Variants in TENT5D observed in about 807,000 individuals in gnomAD.
The protein encoded by TENT5D is terminal nucleotidyltransferase 5D.
For missense variants in TENT5D, 191 were observed against 287.0 expected (o/e 0.67, Z 2.42); for synonymous variants, 103 against 100.6 (o/e 1.02, Z -0.15).
At chrX:80,351,733 G>A (rs1033408353) in intron 3 of TENT5D, among the ~76,000 whole-genome samples, 6 of 110,652 alleles carry the variant, frequency 5.4e-5, no homozygotes, top group Middle Eastern at 4.6e-3. Flanking sequence ...GAGGCGTTCC[G>A]GTTTTTGGAA....
At chrX:80,360,832 C>A (rs769558117) in intron 3 of TENT5D, among the ~76,000 whole-genome samples, 1 of 111,863 alleles carries the variant, frequency 8.9e-6, no homozygotes, top group East Asian at 2.8e-4. Context: ...CCAAGTCAAG[C>A]AAATTAGTTT....
At chrX:80,426,304 TA>T (rs1223442784) in intron 1 of TENT5D, among the ~76,000 whole-genome samples, 1 of 111,658 alleles carries the variant, frequency 9.0e-6, no homozygotes, top group East Asian at 2.8e-4. Context: ...AATGATGACT[TA>T]AAAATTTGAA....
intron 3 of TENT5D, among the ~76,000 whole-genome samples, chrX:80,345,089 G>C (rs1032325624): frequency 8.9e-6 from 1 of 111,886 alleles, no homozygotes; most frequent in Non-Finnish European, 1.9e-5. Context: ...CTCAGAAATA[G>C]TGACAGTTTA....
intron 3 of TENT5D, among the ~76,000 whole-genome samples, chrX:80,352,750 C>G (rs1930210307): frequency 1.9e-5 from 2 of 105,793 alleles, no homozygotes; most frequent in Admixed American, 2.1e-4. Context: ...AAAAAAACTC[C>G]TGCAGCTAGC....
intron 3 of TENT5D, among the ~76,000 whole-genome samples, chrX:80,387,147 A>G (rs1365344763): frequency 8.9e-6 from 1 of 112,357 alleles, no homozygotes; most frequent in Non-Finnish European, 1.9e-5. Context: ...AAGTTCCCAG[A>G]TGAAGAATGC....
chrX:80,389,314 G>C (rs1365819822), intron 3 of TENT5D, among the ~76,000 whole-genome samples: 1 of 111,914 alleles, frequency 8.9e-6, no homozygotes, highest in Non-Finnish European at 1.9e-5. Flanking sequence ...CTGCCACCTT[G>C]TTCTGCCTTG....
Position 80,351,902 on chromosome X carries a change from C to T in TENT5D, c.-142+9338C>T, listed in dbSNP as rs191866129. Among the ~76,000 whole-genome samples, 804 of 112,045 alleles carry T rather than the reference C, an allele frequency of 7.2e-3. 5 individuals carry two copies. The highest frequency in any genetic ancestry group is 0.011 in the Non-Finnish European group (602 of 53,180). On this transcript the variant is annotated intron_variant, in intron 3 of 4. Transcript: ENST00000538312. ...TTGTTAGTTTTTCTTCTGACAGGCC[C>T]CTCTTCTGCAGCTCTGCTGCAGTTT...
At chrX:80,385,685 C>A (rs1271167844) in intron 3 of TENT5D, among the ~76,000 whole-genome samples, 1 of 111,526 alleles carries the variant, frequency 9.0e-6, no homozygotes, top group African/African-American at 3.3e-5. Context: ...TGACAAAGGG[C>A]TAATATCCAG....
intron 3 of TENT5D, among the ~76,000 whole-genome samples, chrX:80,408,974 A>T (rs1360756380): frequency 1.8e-5 from 2 of 111,522 alleles, no homozygotes; most frequent in Non-Finnish European, 3.8e-5. Context: ...AATTCAGCAT[A>T]TAAACAGAGC....
chrX:80,360,621 C>A (rs1247409498), intron 3 of TENT5D, among the ~76,000 whole-genome samples: 1 of 111,452 alleles, frequency 9.0e-6, no homozygotes, highest in Non-Finnish European at 1.9e-5. Flanking sequence ...AGGAGGGTTG[C>A]AGATTATTGT....
intron 1 of TENT5D, among the ~76,000 whole-genome samples, chrX:80,426,566 G>C (rs993325754): frequency 9.0e-6 from 1 of 111,556 alleles, no homozygotes; most frequent in African/African-American, 3.2e-5. Context: ...TTAACTTAAA[G>C]AAAAATCTAT....
intron 3 of TENT5D, among the ~76,000 whole-genome samples, chrX:80,393,858 A>C (rs1043769192): frequency 2.7e-5 from 3 of 111,769 alleles, no homozygotes; most frequent in Non-Finnish European, 3.8e-5. Flanking sequence ...ATATTCTGCA[A>C]TTCTATCCAT....
intron 3 of TENT5D, among the ~76,000 whole-genome samples, chrX:80,393,908 A>C (rs1760078421): frequency 8.9e-6 from 1 of 112,190 alleles, no homozygotes; most frequent in African/African-American, 3.2e-5. Flanking sequence ...TTCAAGGCTG[A>C]ATAATATTCC....
intron 3 of TENT5D, among the ~76,000 whole-genome samples, chrX:80,388,498 G>A (rs1193790341): frequency 9.0e-6 from 1 of 111,629 alleles, no homozygotes; most frequent in East Asian, 2.8e-4. Context: ...AGGCAGCAAA[G>A]TTCCCTTCTG....
In TENT5D at chrX:80,425,728, G is replaced by A. The variant is rs1931976886; in HGVS notation, c.-142+5165G>A. 2.7e-5 allele frequency among the ~76,000 whole-genome samples: 3 copies of A among 111,991 alleles called. No homozygotes were observed. In the South Asian group the frequency reaches 1.1e-3, roughly 41 times the overall value. On this transcript the variant is annotated intron_variant, in intron 1 of 2. Transcript: ENST00000308293. Reference sequence around the variant, plus strand: ...CATCCCATATGGTTTTAGAACATATGTTAATAATATTTACTGAAGGCTGGG... The same window carrying A: ...CATCCCATATGGTTTTAGAACATATATTAATAATATTTACTGAAGGCTGGG...
intron 2 of TENT5D, among the ~76,000 whole-genome samples, chrX:80,338,700 A>G (rs748126436): frequency 8.9e-6 from 1 of 112,480 alleles, no homozygotes; most frequent in African/African-American, 3.2e-5. Context: ...AGATGATCAG[A>G]AAATTAAATG....
intron 3 of TENT5D, among the ~76,000 whole-genome samples, chrX:80,401,274 CTT>C (rs1412467958): frequency 2.7e-5 from 3 of 111,865 alleles, no homozygotes; most frequent in Non-Finnish European, 3.8e-5. Context: ...CATTTTGTAA[CTT>C]TACTGAATTC....
chrX:80,360,865 T>C (rs1474446820), intron 3 of TENT5D, among the ~76,000 whole-genome samples: 1 of 112,164 alleles, frequency 8.9e-6, no homozygotes, highest in African/African-American at 3.2e-5. Flanking sequence ...TCAGTATAGC[T>C]GACCTTAAGG....
At chrX:80,418,880 A>G (rs1025265938), upstream of TENT5D, among the ~76,000 whole-genome samples, 12 of 111,615 alleles carry the variant, frequency 1.1e-4, no homozygotes, top group African/African-American at 3.9e-4. Flanking sequence ...TTGCTTGTAT[A>G]TTAAATGGCA....
Sources: allele counts gnomAD v4.1 joint callset (sites outside exome capture counted in the v4.1 genomes callset), GRCh38; gene constraint gnomAD v4.1.1; transcripts MANE v1.5; gene names NCBI Gene and HGNC (gene_info 2026-07-23, HGNC 2026-07-21).